Variants in PLXNA4 observed in about 807,000 individuals in gnomAD.
The protein encoded by PLXNA4 is plexin A4.
PLXNA4 carries 44 observed loss-of-function variants against 191.8 expected under a neutral mutation model. The ratio of observed to expected loss-of-function variants is 0.23; its 90% CI spans 0.18 to 0.29. PLXNA4 has a LOEUF of 0.29. Among genes scored for constraint, PLXNA4 ranks in the 10% least tolerant of loss-of-function variants. The pLI, the probability that PLXNA4 is intolerant of heterozygous loss-of-function variation, is 1.00. For synonymous variants in PLXNA4, 1,082 were observed against 1,009.5 expected, an observed-to-expected ratio of 1.07 and a Z score of -1.36; for missense variants, 1,800 against 2,488.8, an observed-to-expected ratio of 0.72 and a Z score of 5.89.
intron 3 of PLXNA4, among the ~76,000 whole-genome samples, chr7:132,306,740 T>G (rs1225332144): frequency 6.6e-6 from 1 of 152,102 alleles, no homozygotes; most frequent in Non-Finnish European, 1.5e-5. Context: ...AAATGCACAC[T>G]CACAGACATG....
intron 3 of PLXNA4, among the ~76,000 whole-genome samples, chr7:132,374,286 T>C (rs1438135345): frequency 6.6e-6 from 1 of 152,160 alleles, no homozygotes; most frequent in Non-Finnish European, 1.5e-5. Context: ...CACTGGGAGA[T>C]TGTGTTCATT....
Position 132,123,476 on chromosome 7 carries a change from C to T in PLXNA4, c.*7003G>A, listed in dbSNP as rs1794690069. 6.6e-6 allele frequency: 1 copy of T among 152,060 alleles called. No homozygotes were observed. The allele number at this position is 152,060 out of a possible 1,614,324, so 9.4% of individuals were successfully genotyped here. The stretch of plus-strand genomic sequence containing the variant: ...ATTATAACAAAGGTACAGAAGCTTG[C>T]CTTTACCAAGTTACAACTGGGCTCC... On this transcript the variant is annotated 3_prime_UTR_variant, in exon 32 of 32. Coordinates refer to ENST00000321063, the MANE Select transcript of PLXNA4 (RefSeq NM_020911.2).
intron 31 of PLXNA4, 116 bp downstream of exon 31, chr7:132,132,932 TC>T (rs1327282019): frequency 4.2e-6 from 6 of 1,424,660 alleles, no homozygotes; most frequent in Non-Finnish European, 5.6e-6. Context: ...CAGTGGTGGT[TC>T]CCCCAGCAGA....
chr7:132,507,767 C>T lies in PLXNA4; in HGVS notation c.927G>A (p.Leu309=), dbSNP rs745925789. 5 of 1,614,158 alleles carry T rather than the reference C, an allele frequency of 3.1e-6. 1 individual carries two copies. The South Asian group carries it at 3.3e-5, about 11-fold the overall frequency. The change falls in exon 2 of 32, where the codon CTG becomes CTA. Residue 309 remains leucine, a synonymous_variant. Coordinates refer to ENST00000321063, the MANE Select transcript of PLXNA4 (RefSeq NM_020911.2). ...CTTTGGACAGGTAGGCAGCCTGCAG[C>T]AGGCGGTACTCCACCCCACTGCGCT... The part of the protein sequence containing the change: ...GCERSGVEYR[L]LQAAYLSKAG...
intron 3 of PLXNA4, among the ~76,000 whole-genome samples, chr7:132,320,919 G>A (rs1017703589): frequency 2.6e-5 from 4 of 152,146 alleles, no homozygotes; most frequent in Admixed American, 1.3e-4. Flanking sequence ...CTGCTCCCGC[G>A]GCAGGGCTCA....
intron 14 of PLXNA4, among the ~76,000 whole-genome samples, chr7:132,191,833 TACAC>T (rs147734395): frequency 4.1e-5 from 6 of 147,106 alleles, no homozygotes; most frequent in South Asian, 2.2e-4. Flanking sequence ...TATATATATA[TACAC>T]ACACACACAC....
chr7:132,375,287 C>G lies in PLXNA4; in HGVS notation c.1372-77065G>C, dbSNP rs994820987. On this transcript the variant is annotated intron_variant, in intron 3 of 31. Coordinates refer to ENST00000321063, the MANE Select transcript of PLXNA4 (RefSeq NM_020911.2). Reference sequence around the variant, plus strand: ...CTTCCCCTTAACTCCATCCCGCCCCCCCCCACGCCCCAGCCCTCAAAACAA... The same window carrying G: ...CTTCCCCTTAACTCCATCCCGCCCCGCCCCACGCCCCAGCCCTCAAAACAA... Among the ~76,000 whole-genome samples, 8 of 152,252 alleles carry G rather than the reference C, an allele frequency of 5.3e-5. 1 individual carries two copies. In the East Asian group the frequency reaches 7.7e-4, roughly 15 times the overall value.
At chr7:132,626,127 C>T (rs891781621) in intron 2 of PLXNA4, among the ~76,000 whole-genome samples, 1 of 152,208 alleles carries the variant, frequency 6.6e-6, no homozygotes, top group African/African-American at 2.4e-5. Flanking sequence ...CTCTCCTTCC[C>T]TTCACTCACC....
At chr7:132,603,922 G>T (rs554773232) in intron 2 of PLXNA4, among the ~76,000 whole-genome samples, 161 of 152,290 alleles carry the variant, frequency 1.1e-3, no homozygotes, top group Non-Finnish European at 1.8e-3. Flanking sequence ...TTAAAACCTT[G>T]CATCCACTAT....
chr7:132,549,478 TA>T (rs1048365977), intron 1 of PLXNA4, among the ~76,000 whole-genome samples: 9 of 152,034 alleles, frequency 5.9e-5, no homozygotes, highest in African/African-American at 1.2e-4. Context: ...CTAGGGAACT[TA>T]AAAAAAATCC....
At chr7:132,180,799 T>C (rs2116738264) in intron 18 of PLXNA4, 67 bp from the exon 19 acceptor site, 1 of 1,574,592 alleles carries the variant, frequency 6.4e-7, no homozygotes, top group Non-Finnish European at 8.7e-7. Flanking sequence ...CTGGCTCTCA[T>C]GTCCTCCCAC....
At chr7:132,417,052 A>T (rs564319180) in intron 3 of PLXNA4, among the ~76,000 whole-genome samples, 1 of 152,182 alleles carries the variant, frequency 6.6e-6, no homozygotes, top group African/African-American at 2.4e-5. Flanking sequence ...ATGTTGCTGA[A>T]TGCCTTCTTG....
Position 132,164,293 on chromosome 7 carries a change from AG to A in PLXNA4, c.4354-6del, listed in dbSNP as rs1378529023. ...GAGGGGCTCCCCAGCACACTCCTGG[AG>A]GTGAGAAGAACGTCATTAGGAGGAG... On this transcript the variant is annotated splice_polypyrimidine_tract_variant and splice_region_variant and intron_variant, in intron 23 of 31. Coordinates refer to ENST00000321063, the MANE Select transcript of PLXNA4 (RefSeq NM_020911.2). 6.2e-7 allele frequency: 1 copy of A among 1,613,556 alleles called. No individual in the cohort carries two copies. Among genetic ancestry groups the A allele is most frequent in the Non-Finnish European group, 8.5e-7 (1 of 1,179,666 alleles).
rs775636390 is a variant in PLXNA4, at chr7:132,223,641, C to T, written c.1983G>A (p.Ser661=). The T allele has an allele frequency of 3.1e-6, 5 of 1,612,218 alleles. No individual in the cohort carries two copies. In the Admixed American group the frequency reaches 5.0e-5, roughly 16 times the overall value. The change falls in exon 9 of 32, where the codon TCG becomes TCA. Residue 661 remains serine (S), a splice_region_variant and synonymous_variant. Transcript: ENST00000321063. ...FVFYNCSVHN[S]CLSCVESPYR... ...ATGGACTCTCCACGCAGGACAGGCA[C>T]CTGGGCACAGGGGAAGGGAGGCACA...
At chr7:132,403,391 A>G (rs557008904) in intron 3 of PLXNA4, among the ~76,000 whole-genome samples, 2 of 152,194 alleles carry the variant, frequency 1.3e-5, no homozygotes, top group African/African-American at 2.4e-5. Flanking sequence ...TCCCCTACTC[A>G]GGGGAGGAGC....
At chr7:132,493,723 G>GTGGATGGA in intron 2 of PLXNA4, among the ~76,000 whole-genome samples, 1 of 86,314 alleles carries the variant, frequency 1.2e-5, no homozygotes, top group Non-Finnish European at 2.6e-5. Context: ...GGATGGATGG[G>GTGGATGGA]TGGATGGGTG....
intron 1 of PLXNA4, among the ~76,000 whole-genome samples, chr7:132,562,097 TCTCCTCCTC>T (rs1234479419): frequency 1.5e-5 from 1 of 68,888 alleles, no homozygotes; most frequent in Non-Finnish European, 2.6e-5. Flanking sequence ...CCTCCTCCTT[TCTCCTCCTC>T]CTCCTTCTCT....
At chr7:132,144,900 C>T (rs1195724770) in intron 29 of PLXNA4, among the ~76,000 whole-genome samples, 3 of 152,176 alleles carry the variant, frequency 2.0e-5, no homozygotes, top group Non-Finnish European at 4.4e-5. Context: ...GAAAGATGCA[C>T]AGACAGATTT....
At chr7:132,154,418 T>G (rs1319941433) in intron 25 of PLXNA4, among the ~76,000 whole-genome samples, 5 of 149,302 alleles carry the variant, frequency 3.3e-5, no homozygotes, top group African/African-American at 1.3e-4. Flanking sequence ...GTTCTGTTTT[T>G]TTTTTTTTTT....
Sources: gnomAD v4.1 joint callset for allele counts (sites outside exome capture counted in the v4.1 genomes callset) on GRCh38, gnomAD v4.1.1 for gene constraint, MANE v1.5 for transcripts, NCBI Gene and HGNC (gene_info 2026-07-23, HGNC 2026-07-21) for gene names.